Variants in ANKRD12 observed in about 807,000 individuals in gnomAD.
ANKRD12 encodes ankyrin repeat domain 12.
ANKRD12 carries 85 observed loss-of-function variants against 183.4 expected under a neutral mutation model. The ratio of observed to expected loss-of-function variants is 0.46; its 90% confidence interval spans 0.39 to 0.56. The LOEUF is 0.56. Ranked by LOEUF, ANKRD12 falls within the 20% of genes least tolerant of loss-of-function variation. ANKRD12 has a pLI of 0.00. For synonymous variants in ANKRD12, 914 were observed against 800.2 expected, an observed-to-expected ratio of 1.14 and a Z score of -2.40; for missense variants, 2,405 against 2,357.1, an observed-to-expected ratio of 1.02 and a Z score of -0.42.
rs953806594 is a variant in ANKRD12, at chr18:9,282,232, C to T, written c.*1106C>T. ...TTTTTACATTGCTTAATGTTTTAAG[C>T]TTAATAGCCTTTGCACTTTTAAAAT... On this transcript the variant is annotated 3_prime_UTR_variant, in exon 13 of 13. Transcript: ENST00000262126. 6.6e-6 allele frequency: 1 copy of T among 152,388 alleles called. No individual in the cohort carries two copies. The highest frequency in any genetic ancestry group is 1.5e-5 in the Non-Finnish European group (1 of 67,950). 9.4% of individuals were successfully genotyped at this position (152,388 alleles called of 1,614,324 possible).
chr18:9,151,965 C>T (rs918199576), intron 1 of ANKRD12, among the ~76,000 whole-genome samples: 5 of 152,086 alleles, frequency 3.3e-5, no homozygotes, highest in Admixed American at 3.3e-4. Context: ...CCTGTCATCC[C>T]AGCACTTTTG....
At chr18:9,223,329 C>T (rs949703160) in intron 8 of ANKRD12, among the ~76,000 whole-genome samples, 1 of 151,700 alleles carries the variant, frequency 6.6e-6, no homozygotes, top group Non-Finnish European at 1.5e-5. Flanking sequence ...TCTCGGCTCA[C>T]TGCAAGCTCC....
chr18:9,138,436 C>T (rs1417469541), intron 1 of ANKRD12, among the ~76,000 whole-genome samples: 1 of 152,196 alleles, frequency 6.6e-6, no homozygotes, highest in East Asian at 1.9e-4. Context: ...TCGCTTGAAC[C>T]CGGGCGGCAG....
At chr18:9,211,946 T>G (rs1400587140) in intron 6 of ANKRD12, among the ~76,000 whole-genome samples, 162 bp downstream of exon 6, 4 of 152,132 alleles carry the variant, frequency 2.6e-5, no homozygotes, top group African/African-American at 9.6e-5. Flanking sequence ...AACCCCTGAT[T>G]TCTACTACAA....
chr18:9,256,119 A>G lies in ANKRD12; in HGVS notation c.2852A>G (p.Asn951Ser), dbSNP rs753519526. Residue 951 changes from asparagine to serine, a missense_variant, in exon 9 of 13, where the codon AAT becomes AGT. This residue lies in a region of ANKRD12 where 1,983 missense variants were observed against 1,725.9 expected (regional missense o/e 1.15). Coordinates refer to ENST00000262126, the MANE Select transcript of ANKRD12 (RefSeq NM_015208.5). ...SEYSKSEKGKNKEKDRELDKK... is the reference protein window; with the variant it reads ...SEYSKSEKGKSKEKDRELDKK... ...TACAGTAAATCAGAAAAAGGCAAAAATAAAGAAAAAGACAGGGAGCTAGAT... is the reference window on the plus strand; with the variant it reads ...TACAGTAAATCAGAAAAAGGCAAAAGTAAAGAAAAAGACAGGGAGCTAGAT... The G allele has an allele frequency of 3.8e-6, 6 of 1,559,524 alleles. No homozygotes were observed. Among genetic ancestry groups the G allele is most frequent in the Non-Finnish European group, 4.3e-6 (5 of 1,162,838 alleles).
At chr18:9,163,166 T>A (rs2031649581) in intron 1 of ANKRD12, among the ~76,000 whole-genome samples, 1 of 152,202 alleles carries the variant, frequency 6.6e-6, no homozygotes, top group South Asian at 2.1e-4. Context: ...AGGATTTTTA[T>A]AGTTTTGGGT....
Position 9,285,195 on chromosome 18 carries a change from C to G in ANKRD12, c.*4069C>G, listed in dbSNP as rs1351838247. On this transcript the variant is annotated 3_prime_UTR_variant, in exon 13 of 13. Transcript: ENST00000262126. ...CTGCACTCCAGCCTGGGCGACAGAGCGAGACTCCGTCTCAAAAAAAAAAAA... is the reference window on the plus strand; with the variant it reads ...CTGCACTCCAGCCTGGGCGACAGAGGGAGACTCCGTCTCAAAAAAAAAAAA... The G allele has an allele frequency of 7.0e-6, 1 of 142,902 alleles. No homozygotes were observed. The highest frequency in any genetic ancestry group is 7.0e-5 in the Admixed American group (1 of 14,194). The allele number at this position is 142,902 out of a possible 1,614,324, so 8.9% of individuals were successfully genotyped here.
intron 1 of ANKRD12, among the ~76,000 whole-genome samples, chr18:9,177,784 G>A (rs986178883): frequency 6.6e-6 from 1 of 151,736 alleles, no homozygotes; most frequent in Admixed American, 6.6e-5. Context: ...CTCTACCTTC[G>A]TGAGATCAAC....
At position 9,285,883 on chromosome 18, in the gene ANKRD12, G is replaced by C. The variant is rs929484990; in HGVS notation, c.*4757G>C. 3.3e-5 allele frequency: 5 copies of C among 152,124 alleles called. No individual in the cohort carries two copies. The highest frequency in any genetic ancestry group is 7.2e-5 in the African/African-American group (3 of 41,434). The allele number at this position is 152,124 out of a possible 1,614,324, so 9.4% of individuals were successfully genotyped here. On this transcript the variant is annotated 3_prime_UTR_variant, in exon 13 of 13. Coordinates refer to ENST00000262126, the MANE Select transcript of ANKRD12 (RefSeq NM_015208.5). ...GTAATGAGTCGTAATTTATTAATGA[G>C]TAGTAGTGTATTGTACAAATTTGTT...
chr18:9,198,101 A>C (rs935949934), intron 3 of ANKRD12, among the ~76,000 whole-genome samples: 3 of 152,196 alleles, frequency 2.0e-5, no homozygotes, highest in African/African-American at 7.2e-5. Flanking sequence ...ACAGCATCAG[A>C]CTTCATATCT....
intron 1 of ANKRD12, among the ~76,000 whole-genome samples, chr18:9,157,585 G>GTATATATATATATATA (rs1380048925): frequency 2.5e-4 from 23 of 92,678 alleles, no homozygotes; most frequent in African/African-American, 1.2e-3. Flanking sequence ...GTGTGTGTGT[G>GTATATATATATATATA]TATATATATA....
intron 3 of ANKRD12, chr18:9,200,409 A>G (rs755167188): frequency 6.6e-6 from 1 of 152,222 alleles, no homozygotes; most frequent in Non-Finnish European, 1.5e-5. Flanking sequence ...CATTGAACCT[A>G]TGGAAGCAAA....
intron 10 of ANKRD12, among the ~76,000 whole-genome samples, chr18:9,271,829 A>C (rs2039618954): frequency 6.6e-6 from 1 of 152,202 alleles, no homozygotes; most frequent in South Asian, 2.1e-4. Context: ...GCCAGTTGGA[A>C]GTTAGTGAAA....
Position 9,182,478 on chromosome 18 carries a change from G to T in ANKRD12, c.46G>T (p.Asp16Tyr). 1.2e-6 allele frequency: 2 copies of T among 1,611,276 alleles called. No homozygotes were observed. The highest frequency in any genetic ancestry group is 2.2e-5 in the South Asian group (2 of 90,714). ...FTKPIQSENSDSDSNMVEKPY... is the reference protein window; with the variant it reads ...FTKPIQSENSYSDSNMVEKPY... ...AAAACCAATTCAGAGTGAAAATTCT[G>T]ACAGTGACAGCAATATGGTAGAGAA... The change falls in exon 2 of 13, where the codon GAC becomes TAC. Residue 16 changes from aspartate (D) to tyrosine (Y), a missense_variant. By Grantham distance (160) the Asp-to-Tyr change is radical. Coordinates refer to ENST00000262126, the MANE Select transcript of ANKRD12 (RefSeq NM_015208.5).
At chr18:9,224,605 T>C (rs2036605556) in intron 8 of ANKRD12, among the ~76,000 whole-genome samples, 3 of 152,316 alleles carry the variant, frequency 2.0e-5, no homozygotes, top group African/African-American at 7.2e-5. Flanking sequence ...GCTGGCACCA[T>C]ACACTGTTGT....
At chr18:9,279,476 TA>T in intron 11 of ANKRD12, 72 bp from the exon 12 acceptor site, 3 of 903,166 alleles carry the variant, frequency 3.3e-6, no homozygotes, top group Middle Eastern at 3.3e-4. Context: ...GCATATACCA[TA>T]AAAATACTAT....
intron 8 of ANKRD12, among the ~76,000 whole-genome samples, chr18:9,231,475 C>G (rs1386908515): frequency 6.6e-6 from 1 of 151,926 alleles, no homozygotes; most frequent in Admixed American, 6.6e-5. Context: ...CTGTAATGAT[C>G]TCTTTATCAT....
intron 1 of ANKRD12, among the ~76,000 whole-genome samples, chr18:9,150,157 T>C (rs1470434053): frequency 6.6e-6 from 1 of 152,200 alleles, no homozygotes; most frequent in Non-Finnish European, 1.5e-5. Flanking sequence ...CCGAAAGGTA[T>C]AATATTTAGC....
rs372093275 is a variant in ANKRD12 at position 9,280,853 on chromosome 18, T to TAAAA, written c.6004-87_6004-86insAAAA. 4 of 1,240,292 alleles carry TAAAA rather than the reference T, an allele frequency of 3.2e-6. No individual in the cohort carries two copies. The African/African-American group carries it at 6.1e-5, about 19-fold the overall frequency. 76.8% of individuals were successfully genotyped at this position (1,240,292 alleles called of 1,614,324 possible). A position where few individuals can be genotyped will look rare whatever the true frequency, so the allele number is the denominator to read the frequency against. ...TTTTATGCTCCTGATGTGTCCATTT[T>TAAAA]AGTTCCTAAAGAAACTGGATGAGAT... is the stretch of plus-strand genomic sequence containing the variant. On this transcript the variant is annotated intron_variant, in intron 12 of 12. Coordinates refer to ENST00000262126, the MANE Select transcript of ANKRD12 (RefSeq NM_015208.5).
Sources: allele counts gnomAD v4.1 joint callset (sites outside exome capture counted in the v4.1 genomes callset), GRCh38; gene constraint gnomAD v4.1.1; regional missense constraint gnomAD v4.1.1; transcripts MANE v1.5; gene names NCBI Gene and HGNC (gene_info 2026-07-23, HGNC 2026-07-21).